The following TNRC6A variants were observed in gnomAD, a reference collection of about 807,000 sequenced individuals.
TNRC6A encodes trinucleotide repeat-containing gene 6A protein.
A neutral mutation model predicts 221.2 loss-of-function variants in TNRC6A; 44 were observed. That is an observed-to-expected ratio of 0.20 (90% CI 0.16 to 0.26). The LOEUF (loss-of-function observed/expected upper bound fraction) is 0.26, where lower values mean the gene tolerates loss of function less well. Ranked by LOEUF, TNRC6A falls within the 10% of genes least tolerant of loss-of-function variation. The pLI is 1.00. For synonymous variants in TNRC6A, 847 were observed against 838.5 expected, an observed-to-expected ratio of 1.01 and a Z score of -0.18; for missense variants, 2,199 against 2,404.4, an observed-to-expected ratio of 0.91 and a Z score of 1.79.
At chr16:24,669,803 A>C (rs2055252217) in intron 2 of TNRC6A, among the ~76,000 whole-genome samples, 1 of 151,960 alleles carries the variant, frequency 6.6e-6, no homozygotes, top group African/African-American at 2.4e-5. Context: ...TAGTAATAGT[A>C]GCACCAACAG....
intron 2 of TNRC6A, among the ~76,000 whole-genome samples, chr16:24,677,417 C>T (rs373445471): frequency 1.5e-3 from 231 of 152,254 alleles, no homozygotes; most frequent in African/African-American, 5.4e-3. Flanking sequence ...CCCACCTTGG[C>T]CTCCCAAAGT....
At chr16:24,737,528 G>A (rs1319734889) in intron 2 of TNRC6A, among the ~76,000 whole-genome samples, 1 of 152,218 alleles carries the variant, frequency 6.6e-6, no homozygotes, top group Non-Finnish European at 1.5e-5. Flanking sequence ...TTTAGCAGTA[G>A]TATATTATGT....
chr16:24,707,141 G>T (rs957226157), intron 2 of TNRC6A, among the ~76,000 whole-genome samples: 2 of 151,934 alleles, frequency 1.3e-5, no homozygotes, highest in African/African-American at 4.8e-5. Context: ...GGCCACAGGT[G>T]CATGCCACCA....
chr16:24,811,710 C>G lies in TNRC6A; in HGVS notation c.4672+2229C>G, dbSNP rs114243931. On this transcript the variant is annotated intron_variant, in intron 18 of 24. Coordinates refer to ENST00000395799, the MANE Select transcript of TNRC6A (RefSeq NM_014494.4). ...TGCAGTGTGGAGAATTGGAGTAGAT[C>G]TAGTATAGTCATTATCCAGGAGCTG... 2.6e-3 allele frequency among the ~76,000 whole-genome samples: 392 copies of G among 151,830 alleles called. 3 individuals carry two copies. The highest frequency in any genetic ancestry group is 9.0e-3 in the African/African-American group (371 of 41,360).
chr16:24,744,018 A>T (rs1362427537), intron 2 of TNRC6A, among the ~76,000 whole-genome samples: 3 of 152,198 alleles, frequency 2.0e-5, no homozygotes, highest in East Asian at 3.8e-4. Context: ...ATGTTTGTTT[A>T]GTTGCCTGCA....
At chr16:24,740,358 T>C (rs1403841038) in intron 2 of TNRC6A, among the ~76,000 whole-genome samples, 2 of 152,210 alleles carry the variant, frequency 1.3e-5, no homozygotes, top group African/African-American at 4.8e-5. Flanking sequence ...CAGCTGAGAT[T>C]TTGATAGGAA....
chr16:24,809,650 T>C (rs1170996470), intron 18 of TNRC6A, 169 bp downstream of exon 18: 4 of 776,490 alleles, frequency 5.2e-6, no homozygotes, highest in Admixed American at 3.9e-5. Flanking sequence ...TAAGAGACTT[T>C]CAGATGAAAA....
intron 2 of TNRC6A, among the ~76,000 whole-genome samples, chr16:24,664,250 G>A (rs1398910168): frequency 6.6e-6 from 1 of 151,770 alleles, no homozygotes; most frequent in East Asian, 1.9e-4. Flanking sequence ...GAGAATCGTT[G>A]CACCTTGGAG....
chr16:24,741,124 A>G (rs934840694), intron 2 of TNRC6A, among the ~76,000 whole-genome samples: 2 of 152,078 alleles, frequency 1.3e-5, no homozygotes, highest in Non-Finnish European at 1.5e-5. Flanking sequence ...TTCTTTTCCA[A>G]TTTTCGTGCA....
intron 2 of TNRC6A, among the ~76,000 whole-genome samples, chr16:24,736,738 C>T (rs1253224141): frequency 6.6e-6 from 1 of 152,088 alleles, no homozygotes; most frequent in Non-Finnish European, 1.5e-5. Context: ...AAAGGTTATC[C>T]AATATTCTTA....
chr16:24,616,325 CAAAAAAAAAA>C (rs397855433), intron 1 of TNRC6A, among the ~76,000 whole-genome samples: 1 of 74,110 alleles, frequency 1.3e-5, no homozygotes, highest in Non-Finnish European at 2.7e-5. Flanking sequence ...GATGCTGTCT[CAAAAAAAAAA>C]AAAAAAAAAG....
At position 24,729,684 on chromosome 16, in the gene TNRC6A, T is replaced by G. The variant is rs1483155786; in HGVS notation, c.-158T>G. 6.1e-4 allele frequency: 384 copies of G among 630,236 alleles called. 2 individuals carry two copies. The highest frequency in any genetic ancestry group is 1.0e-3 in the Middle Eastern group (2 of 1,940). 39.0% of individuals were successfully genotyped at this position (630,236 alleles called of 1,614,324 possible). On this transcript the variant is annotated 5_prime_UTR_variant, in exon 1 of 25. Coordinates refer to ENST00000395799, the MANE Select transcript of TNRC6A (RefSeq NM_014494.4). ...TCTGGGGCCTGCGGCGGCGGCGGTG[T>G]CGGCGGCGGCGGCGGCGGCGGCGGC...
intron 2 of TNRC6A, among the ~76,000 whole-genome samples, chr16:24,675,408 C>T (rs1319216651): frequency 6.6e-6 from 1 of 151,648 alleles, no homozygotes; most frequent in Non-Finnish European, 1.5e-5. Context: ...AAGCCAGGCA[C>T]TGTGGTTCAT....
Position 24,749,032 on chromosome 16 carries a change from G to A in TNRC6A, c.54-1694G>A, listed in dbSNP as rs527933595. ...TGGGACTACAGGTGCCCGCCACCACGCCCCTGCCTGATATTCTTAGTGTCC... is the reference window on the plus strand; with the variant it reads ...TGGGACTACAGGTGCCCGCCACCACACCCCTGCCTGATATTCTTAGTGTCC... On this transcript the variant is annotated intron_variant, in intron 2 of 24. Coordinates refer to ENST00000395799, the MANE Select transcript of TNRC6A (RefSeq NM_014494.4). Among the ~76,000 whole-genome samples, 4 of 152,156 alleles carry A rather than the reference G, an allele frequency of 2.6e-5. No homozygotes were observed. The East Asian group carries it at 5.8e-4, about 22-fold the overall frequency.
chr16:24,645,599 A>G (rs565582775), intron 2 of TNRC6A, among the ~76,000 whole-genome samples: 21 of 152,064 alleles, frequency 1.4e-4, no homozygotes, highest in Non-Finnish European at 3.1e-4. Context: ...AGGATGCTGT[A>G]TAAATTGAAA....
chr16:24,616,835 C>T (rs1417044730), intron 1 of TNRC6A, among the ~76,000 whole-genome samples: 1 of 152,164 alleles, frequency 6.6e-6, no homozygotes, highest in East Asian at 1.9e-4. Context: ...GCAGGAGAAC[C>T]GCTTGAACCC....
intron 1 of TNRC6A, among the ~76,000 whole-genome samples, chr16:24,622,099 G>GC (rs1900703436): frequency 6.7e-6 from 1 of 149,918 alleles, no homozygotes; most frequent in Non-Finnish European, 1.5e-5. Flanking sequence ...GCCAACCAGT[G>GC]TTTTTTCCCG....
At chr16:24,781,835 T>TC (rs2057854511) in intron 5 of TNRC6A, among the ~76,000 whole-genome samples, 1 of 152,088 alleles carries the variant, frequency 6.6e-6, no homozygotes, top group South Asian at 2.1e-4. Flanking sequence ...CTCTTTTTTT[T>TC]TTTTTTTGAG....
chr16:24,793,556 A>G lies in TNRC6A; in HGVS notation c.3259A>G (p.Ser1087Gly). The G allele has an allele frequency of 6.3e-7, 1 of 1,575,208 alleles. No homozygotes were observed. The highest frequency in any genetic ancestry group is 2.3e-5 in the East Asian group (1 of 42,852). Residue 1087 changes from serine to glycine, a missense_variant, in exon 7 of 25, where the codon AGT becomes GGT. By Grantham distance (56) the Ser-to-Gly change is moderately conservative. Around this residue, in one of 8 missense-constraint regions of TNRC6A, gnomAD observed 1,405 missense variants for 1,400.2 expected, o/e 1.00. Transcript: ENST00000395799. ...GTSAWGKPID[S>G]GPSWGEPIAA... ...TTCAGCATGGGGTAAGCCCATAGAC[A>G]GTGGTCCCAGCTGGGGGGAACCCAT...
Sources: gnomAD v4.1 joint callset for allele counts (sites outside exome capture counted in the v4.1 genomes callset) on GRCh38, gnomAD v4.1.1 for gene constraint, gnomAD v4.1.1 regional missense constraint, MANE v1.5 for transcripts, NCBI Gene and HGNC (gene_info 2026-07-23, HGNC 2026-07-21) for gene names.